Variants in WWC2 observed in about 807,000 individuals in gnomAD.
The protein encoded by WWC2 is protein WWC2.
A neutral mutation model predicts 138.5 loss-of-function variants in WWC2; 101 were observed. The observed-to-expected ratio is 0.73, with a 90% confidence interval of 0.62 to 0.86. The LOEUF is 0.86. Ranked by LOEUF, WWC2 falls within the 40% of genes least tolerant of loss-of-function variation. The pLI, the probability that WWC2 is intolerant of heterozygous loss-of-function variation, is 0.00. For synonymous variants in WWC2, 558 were observed against 538.4 expected (o/e 1.04, Z -0.50); for missense variants, 1,420 against 1,419.4 (o/e 1.00, Z -0.01).
rs1222946472 is a variant in WWC2, at chr4:183,213,157, G to A, written c.522+4132G>A. On this transcript the variant is annotated intron_variant, in intron 4 of 22. Coordinates refer to ENST00000403733, the MANE Select transcript of WWC2 (RefSeq NM_024949.6). ...ATTGGTCCTCACAGACTGTGTTGCT[G>A]TTGTGATGTTTTGAGCTGTGTTTGA... 3.9e-5 allele frequency among the ~76,000 whole-genome samples: 6 copies of A among 152,216 alleles called. No homozygotes were observed. The East Asian group carries it at 9.6e-4, about 24-fold the overall frequency.
At chr4:183,148,347 A>G (rs1035771883) in intron 1 of WWC2, among the ~76,000 whole-genome samples, 1 of 152,230 alleles carries the variant, frequency 6.6e-6, no homozygotes, top group African/African-American at 2.4e-5. Context: ...AACCTTATTT[A>G]AATTAGATGT....
chr4:183,114,646 A>G (rs1448713151), intron 1 of WWC2, among the ~76,000 whole-genome samples: 2 of 149,550 alleles, frequency 1.3e-5, no homozygotes, highest in African/African-American at 2.5e-5. Context: ...AAGATGGTTT[A>G]TTTGTTTTCA....
chr4:183,265,820 T>A, intron 13 of WWC2, 45 bp from the exon 14 acceptor site: 1 of 1,608,490 alleles, frequency 6.2e-7, no homozygotes, highest in Non-Finnish European at 8.5e-7. Flanking sequence ...GCAGGGCAAG[T>A]GGCCTGTGGT....
At chr4:183,296,801 G>A (rs977672696) in intron 21 of WWC2, among the ~76,000 whole-genome samples, 3 of 151,762 alleles carry the variant, frequency 2.0e-5, no homozygotes, top group African/African-American at 7.3e-5. Context: ...AGGCATGGTG[G>A]CAGGTGCCTG....
Position 183,208,929 on chromosome 4 carries a change from TTC to T in WWC2, c.446-18_446-17del, listed in dbSNP as rs1560843945. 1 of 1,495,382 alleles carries T rather than the reference TTC, an allele frequency of 6.7e-7. No individual in the cohort carries two copies. The highest frequency in any genetic ancestry group is 9.1e-7 in the Non-Finnish European group (1 of 1,099,804). The allele number at this position is 1,495,382 out of a possible 1,614,324, so 92.6% of individuals were successfully genotyped here. ...TATGCAACTTGTAAATAATTAGTTT[TTC>T]TTTTTTCTCTATAAAAGTATTCTCA... On this transcript the variant is annotated intron_variant, in intron 3 of 22. Transcript: ENST00000403733.
At chr4:183,282,604 G>A (rs1580145361) in intron 17 of WWC2, 104 bp from the exon 18 acceptor site, 5 of 1,176,646 alleles carry the variant, frequency 4.2e-6, no homozygotes, top group Non-Finnish European at 6.1e-6. Flanking sequence ...TTGGCTCATT[G>A]TGTGAGTCTG....
chr4:183,292,355 A>G (rs1302954180), intron 21 of WWC2, among the ~76,000 whole-genome samples: 1 of 152,114 alleles, frequency 6.6e-6, no homozygotes, highest in Non-Finnish European at 1.5e-5. Flanking sequence ...GGAAAAAAAA[A>G]AAAAGTTAGC....
chr4:183,164,316 TATACATATATATATATATATAC>T (rs1561443762), intron 1 of WWC2, among the ~76,000 whole-genome samples: 65 of 1,224 alleles, frequency 0.053, 2 homozygotes, highest in Non-Finnish European at 0.34. Context: ...ATATATTATA[TATACATATATATATATATATAC>T]ATATATATAT....
At chr4:183,249,381 A>G (rs923819074) in intron 7 of WWC2, among the ~76,000 whole-genome samples, 3 of 152,190 alleles carry the variant, frequency 2.0e-5, no homozygotes, top group African/African-American at 7.2e-5. Context: ...ATTAGCAGGT[A>G]TTTACTTCTC....
rs371819502 is a variant in WWC2, at chr4:183,113,515, T to TGTGCGC, written c.131+13894_131+13895insTGCGCG. On this transcript the variant is annotated intron_variant, in intron 1 of 22. Coordinates refer to ENST00000403733, the MANE Select transcript of WWC2 (RefSeq NM_024949.6). ...GTGTGTGTGTGTGTGTGTGTGTGTG[T>TGTGCGC]GCGCGCGCGTGCGCGCGCACATGCA... Among the ~76,000 whole-genome samples, 89 of 126,722 alleles carry TGTGCGC rather than the reference T, an allele frequency of 7.0e-4. 1 individual carries two copies. The highest frequency in any genetic ancestry group is 2.0e-3 in the South Asian group (8 of 4,066). 83.1% of individuals were successfully genotyped at this position (126,722 alleles called of 152,430 possible).
intron 1 of WWC2, among the ~76,000 whole-genome samples, chr4:183,120,250 T>G (rs1432682999): frequency 6.6e-6 from 1 of 152,236 alleles, no homozygotes; most frequent in African/African-American, 2.4e-5. Context: ...ATATAAATTT[T>G]ATTGAAAAAC....
chr4:183,117,215 C>CTTTTTTTTTTT (rs923478529), intron 1 of WWC2, among the ~76,000 whole-genome samples: 12 of 95,670 alleles, frequency 1.3e-4, no homozygotes, highest in South Asian at 4.0e-4. Flanking sequence ...CATTCTTCTT[C>CTTTTTTTTTTT]TTTTTTTTTT....
chr4:183,157,344 A>G (rs2111132004), intron 1 of WWC2, among the ~76,000 whole-genome samples: 1 of 152,294 alleles, frequency 6.6e-6, no homozygotes. Context: ...GTCAGGGGGC[A>G]CATGATGATG....
intron 4 of WWC2, among the ~76,000 whole-genome samples, chr4:183,231,628 G>A (rs909119981): frequency 2.6e-5 from 4 of 152,060 alleles, no homozygotes; most frequent in Non-Finnish European, 1.5e-5. Flanking sequence ...TTGATTCAAC[G>A]AGGAATGAGT....
intron 4 of WWC2, among the ~76,000 whole-genome samples, chr4:183,237,293 G>C (rs188882831): frequency 6.6e-6 from 1 of 150,470 alleles, no homozygotes; most frequent in East Asian, 1.9e-4. Context: ...TCAATTTTAG[G>C]ACTGATTTTT....
chr4:183,283,886 A>G lies in WWC2; in HGVS notation c.2884-340A>G, dbSNP rs575231912. The stretch of plus-strand genomic sequence containing the variant: ...GATATGTACCCAAATAGGATTCTTT[A>G]TAGAATCACTTTAAATCTAAACCTT... On this transcript the variant is annotated intron_variant, in intron 18 of 22. Coordinates refer to ENST00000403733, the MANE Select transcript of WWC2 (RefSeq NM_024949.6). Among the ~76,000 whole-genome samples, 7 of 152,344 alleles carry G rather than the reference A, an allele frequency of 4.6e-5. No individual in the cohort carries two copies. The East Asian group carries it at 1.3e-3, about 29-fold the overall frequency.
chr4:183,157,249 A>G (rs1733831357), intron 1 of WWC2, among the ~76,000 whole-genome samples: 1 of 152,092 alleles, frequency 6.6e-6, no homozygotes, highest in South Asian at 2.1e-4. Flanking sequence ...TTGGGTCCTC[A>G]ATTCGTGTTT....
At chr4:183,185,267 G>C (rs1230960170) in intron 1 of WWC2, among the ~76,000 whole-genome samples, 1 of 152,184 alleles carries the variant, frequency 6.6e-6, no homozygotes, top group African/African-American at 2.4e-5. Flanking sequence ...GATTGATTCT[G>C]TGATAAACAG....
intron 2 of WWC2, among the ~76,000 whole-genome samples, chr4:183,197,819 CG>C (rs1735185901): frequency 6.6e-6 from 1 of 152,036 alleles, no homozygotes; most frequent in Admixed American, 6.6e-5. Context: ...TGGACTTTGA[CG>C]TATGTATAGT....
Sources: allele counts gnomAD v4.1 joint callset (sites outside exome capture counted in the v4.1 genomes callset), GRCh38; gene constraint gnomAD v4.1.1; transcripts MANE v1.5; gene names NCBI Gene and HGNC (gene_info 2026-07-23, HGNC 2026-07-21).